Variants in CD300E observed in about 807,000 individuals in gnomAD.
The protein encoded by CD300E is CMRF35-like molecule 2.
Under a neutral mutation model 20.9 loss-of-function variants are expected in CD300E, and 14 were observed. The ratio of observed to expected loss-of-function variants is 0.67; its 90% CI spans 0.44 to 1.05. The LOEUF (loss-of-function observed/expected upper bound fraction) is 1.05, where lower values mean the gene tolerates loss of function less well. Among genes scored for constraint, CD300E ranks in the 50% least tolerant of loss-of-function variants. CD300E has a pLI of 0.00. For missense variants in CD300E, 237 were observed against 253.9 expected (o/e 0.93, Z 0.45); for synonymous variants, 102 against 103.7 (o/e 0.98, Z 0.10).
chr17:74,613,491 A>G (rs1245732895), intron 3 of CD300E, among the ~76,000 whole-genome samples: 2 of 152,060 alleles, frequency 1.3e-5, no homozygotes, highest in Non-Finnish European at 2.9e-5. Context: ...TCTTTGGGAG[A>G]GGAGAGAGAA....
Position 74,620,752 on chromosome 17 carries a change from G to A in CD300E, c.40+2830C>T, listed in dbSNP as rs1315158051. On this transcript the variant is annotated intron_variant, in intron 1 of 3. Transcript: ENST00000392619. ...AAGCAAAGCCACCTCCAAAATGGAG[G>A]TAAAGCAAGGCAACTTGCAGAGGGG... is the stretch of plus-strand genomic sequence containing the variant. Among the ~76,000 whole-genome samples, 5 of 152,198 alleles carry A rather than the reference G, an allele frequency of 3.3e-5. No homozygotes were observed. In the South Asian group the frequency reaches 1.0e-3, roughly 31 times the overall value.
chr17:74,618,082 A>C (rs946699364), intron 1 of CD300E, among the ~76,000 whole-genome samples: 3 of 152,252 alleles, frequency 2.0e-5, no homozygotes, highest in Admixed American at 2.0e-4. Context: ...GTCACCATGC[A>C]TTCAGAGGAA....
chr17:74,616,926 G>T (rs1364036107), intron 2 of CD300E, among the ~76,000 whole-genome samples, 192 bp downstream of exon 2: 1 of 152,130 alleles, frequency 6.6e-6, no homozygotes, highest in African/African-American at 2.4e-5. Context: ...CGCCTGAGCT[G>T]TGCACCCCCC....
rs1414437339 is a variant in CD300E, at chr17:74,617,329, C to T, written c.177G>A (p.Glu59=). ...WCRGQYDTSC[E]SIVETKGEEK... Reference sequence around the variant, plus strand: ...CTTCTCCCTTGGTCTCCACAATGCTCTCACATGACGTGTCGTACTGTCCTC... The same window carrying T: ...CTTCTCCCTTGGTCTCCACAATGCTTTCACATGACGTGTCGTACTGTCCTC... The change falls in exon 2 of 4, where the codon GAG becomes GAA. Residue 59 remains glutamate, a synonymous_variant. Transcript: ENST00000392619. The T allele has an allele frequency of 1.6e-5, 26 of 1,614,228 alleles. No individual in the cohort carries two copies. Among genetic ancestry groups the T allele is most frequent in the Non-Finnish European group, 2.0e-5 (24 of 1,180,048 alleles).
intron 1 of CD300E, among the ~76,000 whole-genome samples, chr17:74,619,605 C>A (rs1331868228): frequency 6.6e-6 from 1 of 152,054 alleles, no homozygotes; most frequent in Non-Finnish European, 1.5e-5. Flanking sequence ...CTCCTCCTCT[C>A]AATCACACAC....
chr17:74,614,076 C>T (rs1261250588), intron 2 of CD300E, 43 bp from the exon 3 acceptor site: 1 of 1,419,900 alleles, frequency 7.0e-7, no homozygotes. Flanking sequence ...CCTGGGCTCC[C>T]AGCCATGCAC....
At position 74,617,103 on chromosome 17, in the gene CD300E, G is replaced by A. The variant is rs2030917075; in HGVS notation, c.388+15C>T. The A allele has an allele frequency of 7.5e-6, 12 of 1,609,894 alleles. No homozygotes were observed. The highest frequency in any genetic ancestry group is 1.0e-5 in the Non-Finnish European group (12 of 1,176,198). ...GCACCCCAAACCCTGCTGCCAAAGT[G>A]AGGGGAGCTCTTACCTGGGGAAACA... On this transcript the variant is annotated intron_variant, in intron 2 of 3. Coordinates refer to ENST00000392619, the MANE Select transcript of CD300E (RefSeq NM_181449.3).
At chr17:74,614,475 CTTTTTT>C (rs151029563) in intron 2 of CD300E, among the ~76,000 whole-genome samples, 1 of 113,336 alleles carries the variant, frequency 8.8e-6, no homozygotes, top group Non-Finnish European at 1.8e-5. Flanking sequence ...TGTGGACACT[CTTTTTT>C]TTTTTTTTTT....
chr17:74,617,211 C>A lies in CD300E; in HGVS notation c.295G>T (p.Ala99Ser). Residue 99 changes from alanine (A) to serine (S), a missense_variant, in exon 2 of 4, where the codon GCT becomes TCT. Ala to Ser is a moderately conservative substitution (Grantham distance 99, BLOSUM62 1). Coordinates refer to ENST00000392619, the MANE Select transcript of CD300E (RefSeq NM_181449.3). ...TGAATTTTGCACCAGTAAGATCCAG[C>A]ATCATCTTCATTGAGGTTCTGCATG... ...VTMQNLNEDD[A>S]GSYWCKIQTV... The A allele has an allele frequency of 6.2e-7, 1 of 1,614,206 alleles. No homozygotes were observed. Among genetic ancestry groups the A allele is most frequent in the Non-Finnish European group, 8.5e-7 (1 of 1,180,042 alleles).
At chr17:74,618,808 AC>A (rs2030959723) in intron 1 of CD300E, among the ~76,000 whole-genome samples, 1 of 151,012 alleles carries the variant, frequency 6.6e-6, no homozygotes, top group Non-Finnish European at 1.5e-5. Context: ...AGCACCTGTC[AC>A]CCCCACCCTG....
At chr17:74,613,850 C>G in intron 3 of CD300E, 75 bp downstream of exon 3, 1 of 872,678 alleles carries the variant, frequency 1.1e-6, no homozygotes, top group Non-Finnish European at 1.9e-6. Flanking sequence ...TCTCAGGTCA[C>G]GGTGCGCCAC....
intron 1 of CD300E, among the ~76,000 whole-genome samples, chr17:74,618,600 C>T (rs919022556): frequency 1.3e-5 from 2 of 152,114 alleles, no homozygotes; most frequent in African/African-American, 4.8e-5. Flanking sequence ...TTCTGGCTTT[C>T]ATTCATTTCC....
chr17:74,623,018 G>A (rs191273192), intron 1 of CD300E, among the ~76,000 whole-genome samples: 137 of 152,272 alleles, frequency 9.0e-4, no homozygotes, highest in African/African-American at 3.0e-3. Context: ...GATTACAGGC[G>A]TGAGCCACCA....
At position 74,614,063 on chromosome 17, in the gene CD300E, G is replaced by C. The variant is rs546418975; in HGVS notation, c.389-30C>G. On this transcript the variant is annotated intron_variant, in intron 2 of 3. Coordinates refer to ENST00000392619, the MANE Select transcript of CD300E (RefSeq NM_181449.3). Reference sequence around the variant, plus strand: ...TGGAGATGAAAATGATGCATCAGCCGTGCCTGGGCTCCCAGCCATGCACAG... The same window carrying C: ...TGGAGATGAAAATGATGCATCAGCCCTGCCTGGGCTCCCAGCCATGCACAG... 27 of 1,547,658 alleles carry C rather than the reference G, an allele frequency of 1.7e-5. No individual in the cohort carries two copies. In the East Asian group the frequency reaches 5.4e-4, roughly 31 times the overall value.
At chr17:74,619,919 G>T (rs79983436) in intron 1 of CD300E, among the ~76,000 whole-genome samples, 1,853 of 152,308 alleles carry the variant, frequency 0.012, 16 homozygotes, top group Admixed American at 0.019. Context: ...AAATCTGGAA[G>T]GTCACCCTAG....
At chr17:74,615,023 T>C (rs1199115104) in intron 2 of CD300E, among the ~76,000 whole-genome samples, 2 of 152,192 alleles carry the variant, frequency 1.3e-5, no homozygotes, top group South Asian at 4.1e-4. Context: ...TGGAGATTCG[T>C]TGATGGACGT....
rs1463566340 is a variant in CD300E, at chr17:74,617,311, C to T, written c.195G>A (p.Lys65=). 2.5e-6 allele frequency: 4 copies of T among 1,614,094 alleles called. No individual in the cohort carries two copies. Among genetic ancestry groups the T allele is most frequent in the East Asian group, 2.2e-5 (1 of 44,894 alleles). Reference sequence around the variant, plus strand: ...CATTCCTCTCCACCTTCTCTTCTCCCTTGGTCTCCACAATGCTCTCACATG... The same window carrying T: ...CATTCCTCTCCACCTTCTCTTCTCCTTTGGTCTCCACAATGCTCTCACATG... ...DTSCESIVET[K]GEEKVERNGR... The change falls in exon 2 of 4, where the codon AAG becomes AAA. Residue 65 remains lysine (K), a synonymous_variant. Transcript: ENST00000392619.
chr17:74,614,785 G>A (rs754477766), intron 2 of CD300E, among the ~76,000 whole-genome samples: 6 of 152,032 alleles, frequency 3.9e-5, no homozygotes, highest in Admixed American at 2.0e-4. Context: ...CCCGGCCCAT[G>A]TGGAAAGGCC....
At position 74,610,147 on chromosome 17, in the gene CD300E, C is replaced by G. The variant is rs976593815; in HGVS notation, c.*2506G>C. On this transcript the variant is annotated 3_prime_UTR_variant, in exon 4 of 4. Transcript: ENST00000392619. ...AATGATAAGTTCAATAGCCTCCTCTCAATCCCGGTCCTCCTCCACCTCTCT... is the reference window on the plus strand; with the variant it reads ...AATGATAAGTTCAATAGCCTCCTCTGAATCCCGGTCCTCCTCCACCTCTCT... The G allele has an allele frequency of 1.3e-5, 2 of 152,394 alleles. No individual in the cohort carries two copies. Among genetic ancestry groups the G allele is most frequent in the African/African-American group, 4.8e-5 (2 of 41,426 alleles). 9.4% of individuals were successfully genotyped at this position (152,394 alleles called of 1,614,324 possible). A position where few individuals can be genotyped will look rare whatever the true frequency, so the allele number is the denominator to read the frequency against.
Sources: gnomAD v4.1 joint callset for allele counts (sites outside exome capture counted in the v4.1 genomes callset) on GRCh38, gnomAD v4.1.1 for gene constraint, MANE v1.5 for transcripts, NCBI Gene and HGNC (gene_info 2026-07-23, HGNC 2026-07-21) for gene names.